The following PCDHGA6 variants were observed in gnomAD, a reference collection of about 807,000 sequenced individuals.
PCDHGA6 encodes protocadherin gamma subfamily A, 6.
In PCDHGA6, 41 loss-of-function variants were observed where a neutral mutation model predicts 60.6. The observed-to-expected ratio is 0.68, with a 90% CI of 0.53 to 0.88. The LOEUF is 0.88. PCDHGA6 is among the 40% of genes least tolerant of loss of function. The pLI, the probability that PCDHGA6 is intolerant of heterozygous loss-of-function variation, is 0.00. For synonymous variants in PCDHGA6, 594 were observed against 524.4 expected (o/e 1.13, Z -1.81); for missense variants, 1,312 against 1,203.0 (o/e 1.09, Z -1.34).
chr5:141,426,238 T>C, intron 1 of PCDHGA6: 1 of 158,644 alleles, frequency 6.3e-6, no homozygotes, highest in Admixed American at 5.9e-5. Context: ...AAGCACTTTG[T>C]GAAACATTTT....
At chr5:141,504,961 G>A (rs995382728) in intron 2 of PCDHGA6, among the ~76,000 whole-genome samples, 2 of 151,928 alleles carry the variant, frequency 1.3e-5, no homozygotes, top group Non-Finnish European at 2.9e-5. Flanking sequence ...TCAATGCATT[G>A]GACCAGCCTG....
chr5:141,428,180 C>A, intron 1 of PCDHGA6: 1 of 1,486,268 alleles, frequency 6.7e-7, no homozygotes, highest in Non-Finnish European at 9.2e-7. Flanking sequence ...TGACGGAGGA[C>A]AGCCGCCGCT....
intron 1 of PCDHGA6, among the ~76,000 whole-genome samples, chr5:141,462,990 A>T (rs181384059): frequency 1.8e-3 from 278 of 152,244 alleles, no homozygotes; most frequent in Non-Finnish European, 3.4e-3. Context: ...GCCTTGGGCT[A>T]ATTTAGACCT....
rs2099400874 is a variant in PCDHGA6 at position 141,476,888 on chromosome 5, C to T, written c.2425-17919C>T. On this transcript the variant is annotated intron_variant, in intron 1 of 3. Transcript: ENST00000517434. This position sits in a 1 kb window ranked among gnomAD's most constrained non-coding sequence, Gnocchi z 7.6. ...CCGGGCGCGCGTCCTGGAGGATGCA[C>T]CCTCCGGCACGCGCGTGGTACAAGT... is the stretch of plus-strand genomic sequence containing the variant. 1.2e-6 allele frequency: 2 copies of T among 1,613,964 alleles called. No homozygotes were observed. The highest frequency in any genetic ancestry group is 1.7e-6 in the Non-Finnish European group (2 of 1,180,030).
intron 1 of PCDHGA6, chr5:141,389,237 A>G (rs758770216): frequency 3.1e-6 from 5 of 1,612,662 alleles, no homozygotes; most frequent in Non-Finnish European, 4.2e-6. Flanking sequence ...CGGTTTTCTC[A>G]CAGTCTTCCT....
Position 141,490,885 on chromosome 5 carries a change from T to C in PCDHGA6, c.2425-3922T>C, listed in dbSNP as rs1317781676. The stretch of plus-strand genomic sequence containing the variant: ...CTCTCCCCCATTGCATGCCAACACA[T>C]CTCTGCATGTGTTTGTCCTAGACGA... On this transcript the variant is annotated intron_variant, in intron 1 of 3. Coordinates refer to ENST00000517434, the MANE Select transcript of PCDHGA6 (RefSeq NM_018919.3). This position sits in a 1 kb window ranked among gnomAD's most constrained non-coding sequence, Gnocchi z 5.4. The C allele has an allele frequency of 6.2e-7, 1 of 1,613,872 alleles. No individual in the cohort carries two copies. Among genetic ancestry groups the C allele is most frequent in the Non-Finnish European group, 8.5e-7 (1 of 1,179,904 alleles).
At chr5:141,441,710 G>A (rs2098266791) in intron 1 of PCDHGA6, 1 of 322,162 alleles carries the variant, frequency 3.1e-6, no homozygotes, top group Non-Finnish European at 6.1e-6. Context: ...TCAAGCTCAC[G>A]CTGCAGGCCC....
rs200625256 is a variant in PCDHGA6 at position 141,477,009 on chromosome 5, A to G, written c.2425-17798A>G. 7.5e-5 allele frequency: 121 copies of G among 1,614,064 alleles called. No homozygotes were observed. Among genetic ancestry groups the G allele is most frequent in the Non-Finnish European group, 9.2e-5 (109 of 1,180,028 alleles). On this transcript the variant is annotated intron_variant, in intron 1 of 3. Transcript: ENST00000517434. This position sits in a 1 kb window ranked among gnomAD's most constrained non-coding sequence, Gnocchi z 4.9. The stretch of plus-strand genomic sequence containing the variant: ...GGCGTGCGGCAACTATTCGCCTTAG[A>G]CCTTGTAACCGGGATGCTGACAATC...
chr5:141,500,901 G>T (rs984072329), intron 2 of PCDHGA6, among the ~76,000 whole-genome samples: 1 of 144,582 alleles, frequency 6.9e-6, no homozygotes, highest in Non-Finnish European at 1.5e-5. Context: ...AGACAGTCTC[G>T]CTCTGTCTCC....
intron 1 of PCDHGA6, chr5:141,419,370 A>G (rs1460064670): frequency 1.9e-6 from 3 of 1,613,574 alleles, no homozygotes; most frequent in African/African-American, 2.7e-5. Context: ...CTGTCGTCCT[A>G]CGTGTCCGTG....
At chr5:141,440,030 G>A (rs780807702) in intron 1 of PCDHGA6, 2 of 153,028 alleles carry the variant, frequency 1.3e-5, no homozygotes, top group African/African-American at 2.4e-5. Context: ...ACTCAGTGTC[G>A]AGGACATGCC....
chr5:141,414,778 C>G, intron 1 of PCDHGA6: 5 of 1,614,202 alleles, frequency 3.1e-6, no homozygotes, highest in Non-Finnish European at 3.4e-6. Context: ...GCTACAGATG[C>G]AGGTGACAGC....
At position 141,374,236 on chromosome 5, in the gene PCDHGA6, T is replaced by G; in HGVS notation, c.153T>G (p.Asp51Glu). The G allele has an allele frequency of 6.2e-7, 1 of 1,613,974 alleles. No homozygotes were observed. Among genetic ancestry groups the G allele is most frequent in the African/African-American group, 1.3e-5 (1 of 75,044 alleles). ...KGSFVGNIVK[D>E]LGLEPQELAE... Reference sequence around the variant, plus strand: ...CCTTCGTAGGCAACATCGTCAAGGATCTGGGACTGGAGCCCCAGGAGTTGG... The same window carrying G: ...CCTTCGTAGGCAACATCGTCAAGGAGCTGGGACTGGAGCCCCAGGAGTTGG... The change falls in exon 1 of 4, where the codon GAT becomes GAG. Residue 51 changes from aspartate to glutamate, a missense_variant. Transcript: ENST00000517434.
chr5:141,415,477 CGAAA>C (rs764359660), intron 1 of PCDHGA6: 56 of 1,614,066 alleles, frequency 3.5e-5, no homozygotes, highest in Middle Eastern at 3.3e-4. Context: ...CGCGGACTCG[CGAAA>C]GAGTCACCTG....
chr5:141,469,226 A>G (rs998643671), intron 1 of PCDHGA6, among the ~76,000 whole-genome samples: 1 of 152,066 alleles, frequency 6.6e-6, no homozygotes, highest in Non-Finnish European at 1.5e-5. Context: ...TCAGTGAGCC[A>G]TGATCACCCC....
chr5:141,419,321 T>G, intron 1 of PCDHGA6: 1 of 1,613,950 alleles, frequency 6.2e-7, no homozygotes, highest in Non-Finnish European at 8.5e-7. Context: ...CGGCCGTGTC[T>G]CCTACTCTCT....
intron 1 of PCDHGA6, chr5:141,412,214 A>G (rs1196919276): frequency 6.6e-6 from 1 of 152,196 alleles, no homozygotes; most frequent in African/African-American, 2.4e-5. Context: ...TGACATAAAC[A>G]CTTACTTGTT....
chr5:141,399,999 A>G (rs1589395014), intron 1 of PCDHGA6: 1 of 1,612,302 alleles, frequency 6.2e-7, no homozygotes. Flanking sequence ...AGGTGCGCAC[A>G]GCGCGTGCCT....
At position 141,491,823 on chromosome 5, in the gene PCDHGA6, C is replaced by G; in HGVS notation, c.2425-2984C>G. Reference sequence around the variant, plus strand: ...GCCGGCTTGGTCGCTGGCTGCGCTCCACCCGATTCTCGGGATCATTGGACC... The same window carrying G: ...GCCGGCTTGGTCGCTGGCTGCGCTCGACCCGATTCTCGGGATCATTGGACC... On this transcript the variant is annotated intron_variant, in intron 1 of 3. Transcript: ENST00000517434. The surrounding 1 kb of genome is among the most constrained non-coding windows in gnomAD (Gnocchi z 6.9). The G allele has an allele frequency of 6.8e-7, 1 of 1,479,156 alleles. No individual in the cohort carries two copies. Among genetic ancestry groups the G allele is most frequent in the Non-Finnish European group, 9.0e-7 (1 of 1,115,292 alleles). 91.6% of individuals were successfully genotyped at this position (1,479,156 alleles called of 1,614,324 possible). A position where few individuals can be genotyped will look rare whatever the true frequency, so the allele number is the denominator to read the frequency against.
Sources: allele counts gnomAD v4.1 joint callset (sites outside exome capture counted in the v4.1 genomes callset), GRCh38; gene constraint gnomAD v4.1.1; non-coding constraint Gnocchi (gnomAD v3.1); transcripts MANE v1.5; gene names NCBI Gene and HGNC (gene_info 2026-07-23, HGNC 2026-07-21).